Variants in HMG20B observed in about 807,000 individuals in gnomAD.
HMG20B encodes high mobility group 20B.
Under a neutral mutation model 41.6 loss-of-function variants are expected in HMG20B, and 24 were observed. The ratio of observed to expected loss-of-function variants is 0.58; its 90% CI spans 0.42 to 0.81. HMG20B has a LOEUF of 0.81. Among genes scored for constraint, HMG20B ranks in the 30% least tolerant of loss-of-function variants. The pLI is 0.00. For missense variants in HMG20B, 461 were observed against 444.0 expected (o/e 1.04, Z -0.34); for synonymous variants, 251 against 186.6 (o/e 1.34, Z -2.81).
At chr19:3,574,199 G>GA (rs1568271554) in intron 3 of HMG20B, 184 bp from the exon 4 acceptor site, 1 of 622,906 alleles carries the variant, frequency 1.6e-6, no homozygotes, top group Non-Finnish European at 2.8e-6. Context: ...CCTGGCCAGG[G>GA]ATCCCTCTAA....
At chr19:3,577,460 C>T (rs1365183105) in intron 8 of HMG20B, among the ~76,000 whole-genome samples, 1 of 147,620 alleles carries the variant, frequency 6.8e-6, no homozygotes, top group Non-Finnish European at 1.5e-5. Context: ...CTCCCGCAGC[C>T]CCTTTGTGCC....
At position 3,577,110 on chromosome 19, in the gene HMG20B, G is replaced by A. The variant is rs1465396341; in HGVS notation, c.808+3G>A. The A allele has an allele frequency of 2.0e-6, 3 of 1,524,562 alleles. No individual in the cohort carries two copies. Among genetic ancestry groups the A allele is most frequent in the South Asian group, 2.4e-5 (2 of 81,960 alleles). The allele number at this position is 1,524,562 out of a possible 1,614,324, so 94.4% of individuals were successfully genotyped here. On this transcript the variant is annotated splice_donor_region_variant and intron_variant, in intron 8 of 9. Coordinates refer to ENST00000333651, the MANE Select transcript of HMG20B (RefSeq NM_006339.3). Reference sequence around the variant, plus strand: ...CTTCGCCTCACTGCCGGTGCCGGGTGCGGGCCACGCCCATCTCCCAGTCCC... The same window carrying A: ...CTTCGCCTCACTGCCGGTGCCGGGTACGGGCCACGCCCATCTCCCAGTCCC...
chr19:3,574,695 A>G (rs2032120914), intron 4 of HMG20B, 109 bp downstream of exon 4: 1 of 1,026,974 alleles, frequency 9.7e-7, no homozygotes. Flanking sequence ...CTTCCTGGAG[A>G]AATGCCCACC....
At chr19:3,576,035 C>G in intron 5 of HMG20B, 3 of 591,660 alleles carry the variant, frequency 5.1e-6, no homozygotes, top group South Asian at 4.1e-5. Context: ...GACCTCAGCC[C>G]AGGCAGGGCC....
Position 3,575,646 on chromosome 19 carries a change from A to G in HMG20B, c.458A>G (p.Lys153Arg). The G allele has an allele frequency of 6.4e-7, 1 of 1,550,802 alleles. No homozygotes were observed. The highest frequency in any genetic ancestry group is 1.2e-5 in the South Asian group (1 of 84,030). The change falls in exon 5 of 10, where the codon AAG becomes AGG. Residue 153 changes from lysine to arginine, a missense_variant. Lys to Arg is a conservative substitution (Grantham distance 26, BLOSUM62 2). Coordinates refer to ENST00000333651, the MANE Select transcript of HMG20B (RefSeq NM_006339.3). ...YKMCTEKIQE[K>R]KIKKEDSSSG... ...ATGTGCACGGAGAAGATCCAGGAGA[A>G]GAAGATCAAGAAAGGTGGGAGGGGT...
At chr19:3,573,896 C>T (rs1174537266) in intron 3 of HMG20B, 96 bp downstream of exon 3, 2 of 1,142,608 alleles carry the variant, frequency 1.8e-6, no homozygotes, top group Non-Finnish European at 2.5e-6. Context: ...TGTGGCTCCG[C>T]CCACAGCCCA....
rs17849851 is a variant in HMG20B at position 3,577,100 on chromosome 19, G to C, written c.801G>C (p.Pro267=). Residue 267 remains proline, a synonymous_variant, in exon 8 of 10, where the codon CCG becomes CCC. Coordinates refer to ENST00000333651, the MANE Select transcript of HMG20B (RefSeq NM_006339.3). ...QALTASFASL[P]VPGTGETPTL... Reference sequence around the variant, plus strand: ...TCACCGCCAGCTTCGCCTCACTGCCGGTGCCGGGTGCGGGCCACGCCCATC... The same window carrying C: ...TCACCGCCAGCTTCGCCTCACTGCCCGTGCCGGGTGCGGGCCACGCCCATC... 3 of 1,530,842 alleles carry C rather than the reference G, an allele frequency of 2.0e-6. No individual in the cohort carries two copies. The highest frequency in any genetic ancestry group is 2.8e-5 in the African/African-American group (2 of 72,594). 94.8% of individuals were successfully genotyped at this position (1,530,842 alleles called of 1,614,324 possible).
chr19:3,573,134 G>C (rs2032077128), intron 1 of HMG20B, 140 bp downstream of exon 1: 8 of 557,432 alleles, frequency 1.4e-5, no homozygotes, highest in South Asian at 1.0e-4. Flanking sequence ...AAGGATTCTT[G>C]GGGCGCCCGC....
At chr19:3,576,032 GC>G (rs2032154466) in intron 5 of HMG20B, 1 of 590,488 alleles carries the variant, frequency 1.7e-6, no homozygotes, top group South Asian at 2.0e-5. Flanking sequence ...TGCGACCTCA[GC>G]CCAGGCAGGG....
intron 4 of HMG20B, among the ~76,000 whole-genome samples, chr19:3,575,084 A>G (rs2032129228): frequency 1.3e-5 from 2 of 152,196 alleles, no homozygotes; most frequent in South Asian, 4.1e-4. Context: ...ATGACCAACA[A>G]AGATATGTCT....
intron 4 of HMG20B, among the ~76,000 whole-genome samples, chr19:3,575,146 TGTTA>T (rs1446474568): frequency 5.3e-5 from 8 of 152,236 alleles, no homozygotes; most frequent in Admixed American, 3.9e-4. Flanking sequence ...TTTCATATCC[TGTTA>T]GTTTAAAAAT....
chr19:3,576,625 G>C lies in HMG20B; in HGVS notation c.592G>C (p.Ala198Pro). 1 of 1,612,560 alleles carries C rather than the reference G, an allele frequency of 6.2e-7. No individual in the cohort carries two copies. The highest frequency in any genetic ancestry group is 2.2e-5 in the East Asian group (1 of 44,878). Residue 198 changes from alanine to proline, a missense_variant and splice_region_variant, in exon 7 of 10, where the codon GCG (alanine) becomes CCG (proline). Ala to Pro is a conservative substitution (Grantham distance 27). This residue lies in a region of HMG20B where 308 missense variants were observed against 283.4 expected (regional missense o/e 1.09). Transcript: ENST00000333651. Reference protein sequence around the residue: ...FTEEFLDQNKAREAELRRLRK... With the variant: ...FTEEFLDQNKPREAELRRLRK... ...TGAAGAGTTCTTGGACCAAAACAAA[G>C]GTGAGCGGTAACTGCGCTCCTGATG...
intron 3 of HMG20B, 77 bp from the exon 4 acceptor site, chr19:3,574,306 A>T: frequency 8.2e-5 from 38 of 462,878 alleles, no homozygotes; most frequent in Non-Finnish European, 1.2e-4. Flanking sequence ...CATACGCGTT[A>T]GGCCCCGCCC....
At chr19:3,573,883 G>A (rs757778171) in intron 3 of HMG20B, 83 bp downstream of exon 3, 1 of 1,269,920 alleles carries the variant, frequency 7.9e-7, no homozygotes, top group Non-Finnish European at 1.1e-6. Flanking sequence ...GATTTGAATT[G>A]CTTGTGGCTC....
rs540764047 is a variant in HMG20B at position 3,573,214 on chromosome 19, A to G, written c.-18-78A>G. On this transcript the variant is annotated intron_variant, in intron 1 of 9. Transcript: ENST00000333651. ...CGGGCCCGGCATCCCGGGGCTCTCCATCGCGGGGTACCCCAGTTCGCGGTC... is the reference window on the plus strand; with the variant it reads ...CGGGCCCGGCATCCCGGGGCTCTCCGTCGCGGGGTACCCCAGTTCGCGGTC... The G allele has an allele frequency of 1.6e-5, 20 of 1,242,144 alleles. No homozygotes were observed. The South Asian group carries it at 2.2e-4, about 14-fold the overall frequency. The allele number at this position is 1,242,144 out of a possible 1,614,324, so 76.9% of individuals were successfully genotyped here.
intron 4 of HMG20B, 77 bp downstream of exon 4, chr19:3,574,663 T>A: frequency 7.6e-7 from 1 of 1,321,044 alleles, no homozygotes; most frequent in East Asian, 2.5e-5. Flanking sequence ...CCCAAAGGAT[T>A]CCACGTGCAG....
intron 2 of HMG20B, 30 bp from the exon 3 acceptor site, chr19:3,573,662 C>A: frequency 6.8e-7 from 1 of 1,467,170 alleles, no homozygotes; most frequent in South Asian, 1.5e-5. Flanking sequence ...ATTCTTGGGA[C>A]GGGGCTGACC....
intron 8 of HMG20B, 59 bp downstream of exon 8, chr19:3,577,166 C>T (rs2032183955): frequency 1.7e-6 from 2 of 1,166,730 alleles, no homozygotes; most frequent in East Asian, 2.8e-5. Context: ...CCCGCCTCCC[C>T]CCCCCTCCTC....
chr19:3,577,218 C>G (rs1260148858), intron 8 of HMG20B, 111 bp downstream of exon 8: 2 of 780,100 alleles, frequency 2.6e-6, no homozygotes, highest in Non-Finnish European at 1.9e-6. Context: ...CCCATCGCCC[C>G]GTCCCCTCTT....
Sources: allele counts gnomAD v4.1 joint callset (sites outside exome capture counted in the v4.1 genomes callset), GRCh38; gene constraint gnomAD v4.1.1; regional missense constraint gnomAD v4.1.1; transcripts MANE v1.5; gene names NCBI Gene and HGNC (gene_info 2026-07-23, HGNC 2026-07-21).